Variants in KCNH7 observed in about 807,000 individuals in gnomAD.
KCNH7 encodes voltage-gated inwardly rectifying potassium channel KCNH7.
Under a neutral mutation model 120.8 loss-of-function variants are expected in KCNH7, and 49 were observed. The observed-to-expected ratio is 0.41, with a 90% CI of 0.32 to 0.51. The LOEUF (loss-of-function observed/expected upper bound fraction) is 0.51, where lower values mean the gene tolerates loss of function less well. Among genes scored for constraint, KCNH7 ranks in the 20% least tolerant of loss-of-function variants. The probability of loss-of-function intolerance (pLI) is 0.38; values close to 1 mark genes in which losing one functional copy is unlikely to be tolerated. For missense variants in KCNH7, 1,097 were observed against 1,446.6 expected (o/e 0.76, Z 3.92); for synonymous variants, 547 against 516.1 (o/e 1.06, Z -0.81).
intron 2 of KCNH7, among the ~76,000 whole-genome samples, chr2:162,715,259 C>T (rs1236406561): frequency 2.0e-5 from 3 of 152,120 alleles, no homozygotes; most frequent in Non-Finnish European, 2.9e-5. Context: ...ATAGGCATTT[C>T]ACATGGCAAA....
chr2:162,564,872 C>T (rs987237826), intron 2 of KCNH7, among the ~76,000 whole-genome samples: 2 of 152,020 alleles, frequency 1.3e-5, no homozygotes, highest in African/African-American at 4.8e-5. Flanking sequence ...CTTGGAAAAT[C>T]ATAATTTTTT....
In KCNH7 at chr2:162,435,341, G is replaced by C. The variant is rs1297911645; in HGVS notation, c.1811C>G (p.Ser604Ter). 6.2e-7 allele frequency: 1 copy of C among 1,613,744 alleles called. No homozygotes were observed. Among genetic ancestry groups the C allele is most frequent in the Non-Finnish European group, 8.5e-7 (1 of 1,179,860 alleles). ...QIGKRYNDSDSSSGPSIKDKY... is the reference protein window; with the variant it reads ...QIGKRYNDSD Reference sequence around the variant, plus strand: ...GTCTTTAATGGATGGTCCAGAACTTGAGTCACTGTCATTGTAACGTTTCCC... The same window carrying C: ...GTCTTTAATGGATGGTCCAGAACTTCAGTCACTGTCATTGTAACGTTTCCC... Residue 604 changes from serine (S) to a stop codon, truncating the protein, a stop_gained, in exon 8 of 16, where the codon TCA (serine) becomes TGA (stop). Transcript: ENST00000332142. LOFTEE classifies it high-confidence loss of function.
At chr2:162,763,782 GT>G (rs769958430) in intron 2 of KCNH7, among the ~76,000 whole-genome samples, 3 of 142,004 alleles carry the variant, frequency 2.1e-5, no homozygotes, top group Non-Finnish European at 4.7e-5. Context: ...TTTTGCTTTT[GT>G]TTTTTTTTAC....
intron 2 of KCNH7, among the ~76,000 whole-genome samples, chr2:162,543,320 A>T (rs902745736): frequency 6.6e-6 from 1 of 151,984 alleles, no homozygotes; most frequent in Non-Finnish European, 1.5e-5. Context: ...AATCACCAAC[A>T]TGATTAAATT....
chr2:162,470,633 C>G (rs551561964), intron 6 of KCNH7, among the ~76,000 whole-genome samples: 3 of 150,638 alleles, frequency 2.0e-5, no homozygotes, highest in Admixed American at 6.6e-5. Context: ...GGGGGGTCAG[C>G]CCCCCGCCCG....
chr2:162,566,241 C>A (rs990332691), intron 2 of KCNH7, among the ~76,000 whole-genome samples: 1 of 152,038 alleles, frequency 6.6e-6, no homozygotes, highest in Admixed American at 6.6e-5. Context: ...AGTTTACCAG[C>A]CTCATAGCCA....
intron 2 of KCNH7, among the ~76,000 whole-genome samples, chr2:162,692,357 C>T (rs191829345): frequency 2.6e-5 from 4 of 152,166 alleles, no homozygotes; most frequent in South Asian, 2.1e-4. Context: ...CTACCCACCA[C>T]GAGTACAATG....
chr2:162,471,843 C>G (rs1438591399), intron 6 of KCNH7, among the ~76,000 whole-genome samples: 1 of 152,206 alleles, frequency 6.6e-6, no homozygotes, highest in East Asian at 1.9e-4. Flanking sequence ...AACTAAACTA[C>G]AAGGCTACAG....
intron 2 of KCNH7, among the ~76,000 whole-genome samples, chr2:162,752,455 T>C (rs1344156943): frequency 6.6e-6 from 1 of 152,222 alleles, no homozygotes; most frequent in Non-Finnish European, 1.5e-5. Context: ...AAACTTCATA[T>C]CATATTTTGA....
intron 2 of KCNH7, among the ~76,000 whole-genome samples, chr2:162,664,673 G>T (rs1013284129): frequency 3.3e-5 from 5 of 152,064 alleles, no homozygotes; most frequent in African/African-American, 1.2e-4. Context: ...TTTGTATAAG[G>T]TATTAGTTAT....
intron 2 of KCNH7, among the ~76,000 whole-genome samples, chr2:162,659,580 G>C (rs1684886527): frequency 6.6e-6 from 1 of 152,020 alleles, no homozygotes; most frequent in African/African-American, 2.4e-5. Flanking sequence ...GACCTCAAGT[G>C]ATCCAGCCCA....
rs186389660 is a variant in KCNH7, at chr2:162,498,555, C to T, written c.1128+5888G>A. 3.7e-3 allele frequency among the ~76,000 whole-genome samples: 555 copies of T among 152,016 alleles called. 2 individuals carry two copies. Among genetic ancestry groups the T allele is most frequent in the Non-Finnish European group, 3.0e-3 (203 of 67,972 alleles). On this transcript the variant is annotated intron_variant, in intron 6 of 15. Coordinates refer to ENST00000332142, the MANE Select transcript of KCNH7 (RefSeq NM_033272.4). ...TGCTGTTAATTTGAATTCCTATCTT[C>T]ATCTCTGCAATGGGCCACTGCTGTT... is the stretch of plus-strand genomic sequence containing the variant.
chr2:162,662,778 A>G (rs954323465), intron 2 of KCNH7, among the ~76,000 whole-genome samples: 3 of 152,228 alleles, frequency 2.0e-5, no homozygotes, highest in African/African-American at 7.2e-5. Flanking sequence ...CCATTAGAAT[A>G]AGGAATAAGA....
chr2:162,755,175 A>AT (rs1405865486), intron 2 of KCNH7, among the ~76,000 whole-genome samples: 2 of 152,136 alleles, frequency 1.3e-5, no homozygotes, highest in East Asian at 1.9e-4. Context: ...TACTTATTAC[A>AT]TAAAAAAAAA....
Position 162,371,474 on chromosome 2 carries a change from C to T in KCNH7, c.*355G>A, listed in dbSNP as rs750349059. On this transcript the variant is annotated 3_prime_UTR_variant, in exon 16 of 16. Coordinates refer to ENST00000332142, the MANE Select transcript of KCNH7 (RefSeq NM_033272.4). ...GTTTTATCCCTTGGTTTCTTATTTG[C>T]GTGGAAGGCATTTTCATAACGAAGT... The T allele has an allele frequency of 4.0e-6, 5 of 1,251,642 alleles. No homozygotes were observed. The highest frequency in any genetic ancestry group is 1.3e-5 in the South Asian group (1 of 74,500). 77.5% of individuals were successfully genotyped at this position (1,251,642 alleles called of 1,614,324 possible).
At chr2:162,608,750 T>C (rs908020305) in intron 2 of KCNH7, among the ~76,000 whole-genome samples, 1 of 152,202 alleles carries the variant, frequency 6.6e-6, no homozygotes, top group Non-Finnish European at 1.5e-5. Flanking sequence ...TTCTAGTAAC[T>C]TGTTATTTAA....
In KCNH7 at chr2:162,400,375, G is replaced by C. The variant is rs768511699; in HGVS notation, c.2221C>G (p.Gln741Glu). The change falls in exon 10 of 16, where the codon CAA (glutamine) becomes GAA (glutamate). Residue 741 changes from glutamine to glutamate, a missense_variant. By Grantham distance (29) the Gln-to-Glu change is conservative (BLOSUM62 2). Transcript: ENST00000332142. Reference protein sequence around the residue: ...ICLHLNQTLLQNCKAFRGASK... With the variant: ...ICLHLNQTLLENCKAFRGASK... ...GCCCCCCGAAAGGCTTTGCAGTTTTGCAGCAATGTCTGGTTGAGATGTAGA... is the reference window on the plus strand; with the variant it reads ...GCCCCCCGAAAGGCTTTGCAGTTTTCCAGCAATGTCTGGTTGAGATGTAGA... The C allele has an allele frequency of 6.2e-7, 1 of 1,612,358 alleles. No individual in the cohort carries two copies. Among genetic ancestry groups the C allele is most frequent in the South Asian group, 1.1e-5 (1 of 91,056 alleles).
chr2:162,754,622 G>C (rs1163487530), intron 2 of KCNH7, among the ~76,000 whole-genome samples: 2 of 152,048 alleles, frequency 1.3e-5, no homozygotes, highest in African/African-American at 4.8e-5. Flanking sequence ...AAGACCATAG[G>C]AGCAAGTCCA....
At chr2:162,437,271 C>G (rs1411101022) in intron 7 of KCNH7, among the ~76,000 whole-genome samples, 2 of 152,020 alleles carry the variant, frequency 1.3e-5, no homozygotes, top group Non-Finnish European at 2.9e-5. Flanking sequence ...GTGTAGTTGA[C>G]ATGTATTTAT....
Sources: allele counts gnomAD v4.1 joint callset (sites outside exome capture counted in the v4.1 genomes callset), GRCh38; gene constraint gnomAD v4.1.1; transcripts MANE v1.5; gene names NCBI Gene and HGNC (gene_info 2026-07-23, HGNC 2026-07-21).